The following ELP1 variants were observed in gnomAD, a reference collection of about 807,000 sequenced individuals.
ELP1 encodes the protein elongator complex protein 1.
In ELP1, 131 loss-of-function variants were observed where a neutral mutation model predicts 183.2. The ratio of observed to expected loss-of-function variants is 0.72; its 90% CI spans 0.62 to 0.83. The LOEUF (loss-of-function observed/expected upper bound fraction) is 0.83, where lower values mean the gene tolerates loss of function less well. Ranked by LOEUF, ELP1 falls within the 40% of genes least tolerant of loss-of-function variation. The pLI is 0.00. For missense variants in ELP1, 1,550 were observed against 1,594.9 expected (o/e 0.97, Z 0.48); for synonymous variants, 555 against 569.0 (o/e 0.98, Z 0.35).
intron 25 of ELP1, among the ~76,000 whole-genome samples, chr9:108,896,015 T>G (rs987710044): frequency 3.9e-5 from 6 of 152,202 alleles, no homozygotes; most frequent in African/African-American, 1.4e-4. Flanking sequence ...TCCAGCACTT[T>G]GGGAGACTGA....
intron 5 of ELP1, among the ~76,000 whole-genome samples, chr9:108,925,979 TC>T: frequency 6.6e-6 from 1 of 152,288 alleles, no homozygotes; most frequent in Non-Finnish European, 1.5e-5. Flanking sequence ...AACATCTTCT[TC>T]CCCATCCCTC....
intron 9 of ELP1, among the ~76,000 whole-genome samples, chr9:108,916,609 A>G (rs1429914894): frequency 6.6e-6 from 1 of 152,230 alleles, no homozygotes; most frequent in Non-Finnish European, 1.5e-5. Flanking sequence ...CAACACAGAG[A>G]TAAGATGTAA....
chr9:108,892,747 C>A (rs1828391168), intron 27 of ELP1, among the ~76,000 whole-genome samples: 1 of 152,032 alleles, frequency 6.6e-6, no homozygotes, highest in Admixed American at 6.5e-5. Context: ...TAAGGTTGGG[C>A]TAGAGGAGGG....
At chr9:108,912,059 A>G (rs1829243825) in intron 11 of ELP1, among the ~76,000 whole-genome samples, 1 of 152,220 alleles carries the variant, frequency 6.6e-6, no homozygotes, top group Non-Finnish European at 1.5e-5. Flanking sequence ...CAGATGCAGT[A>G]TAACAGGAAA....
At chr9:108,892,741 G>T (rs1205348458) in intron 27 of ELP1, among the ~76,000 whole-genome samples, 1 of 152,144 alleles carries the variant, frequency 6.6e-6, no homozygotes, top group Non-Finnish European at 1.5e-5. Context: ...CAGCAGTAAG[G>T]TTGGGCTAGA....
rs764320309 is a variant in ELP1 at position 108,901,478 on chromosome 9, G to T, written c.1961C>A (p.Thr654Lys). ...FAVYDEFLLL[T>K]THSHTCQCFC... ...ACACTGGCAGGTATGGGAATGGGTT[G>T]TCAACAATAAAAACTCATCATATAC... The change falls in exon 18 of 37, where the codon ACA becomes AAA. Residue 654 changes from threonine to lysine, a missense_variant. By Grantham distance (78) the Thr-to-Lys change is moderately conservative. Transcript: ENST00000374647. The T allele has an allele frequency of 3.7e-6, 6 of 1,614,094 alleles. No homozygotes were observed. Among genetic ancestry groups the T allele is most frequent in the Admixed American group, 3.3e-5 (2 of 60,014 alleles).
In ELP1 at chr9:108,902,542, T is replaced by C. The variant is rs117286243; in HGVS notation, c.1854+297A>G. ...TACTAAAACTATTCTCAAGATCACATTTCTGTTTCCCCTCCTAAATAAAAT... is the reference window on the plus strand; with the variant it reads ...TACTAAAACTATTCTCAAGATCACACTTCTGTTTCCCCTCCTAAATAAAAT... On this transcript the variant is annotated intron_variant, in intron 16 of 36. Transcript: ENST00000374647. Among the ~76,000 whole-genome samples, 2,407 of 152,340 alleles carry C rather than the reference T, an allele frequency of 0.016. 31 individuals carry two copies. The highest frequency in any genetic ancestry group is 0.025 in the Non-Finnish European group (1,683 of 68,038).
chr9:108,871,902 AC>A (rs1827472888), intron 36 of ELP1, among the ~76,000 whole-genome samples: 1 of 152,244 alleles, frequency 6.6e-6, no homozygotes, highest in Non-Finnish European at 1.5e-5. Flanking sequence ...AACTGCAGTG[AC>A]AGCTTCATAA....
rs201650055 is a variant in ELP1 at position 108,874,785 on chromosome 9, T to C, written c.3931+110A>G. 44 of 779,918 alleles carry C rather than the reference T, an allele frequency of 5.6e-5. No individual in the cohort carries two copies. The East Asian group carries it at 1.1e-3, about 20-fold the overall frequency. The allele number at this position is 779,918 out of a possible 1,614,324, so 48.3% of individuals were successfully genotyped here. ...AGGAAGAATTGTAGTCAATTTTTTG[T>C]AGTGAAAAATTGTATCCAATCTCTC... On this transcript the variant is annotated intron_variant, in intron 36 of 36. Transcript: ENST00000374647.
Position 108,868,049 on chromosome 9 carries a change from A to T in ELP1, c.*1066T>A, listed in dbSNP as rs1224168583. 1 of 152,236 alleles carries T rather than the reference A, an allele frequency of 6.6e-6. No homozygotes were observed. Among genetic ancestry groups the T allele is most frequent in the African/African-American group, 2.4e-5 (1 of 41,456 alleles). The allele number at this position is 152,236 out of a possible 1,614,324, so 9.4% of individuals were successfully genotyped here. On this transcript the variant is annotated 3_prime_UTR_variant, in exon 37 of 37. Coordinates refer to ENST00000374647, the MANE Select transcript of ELP1 (RefSeq NM_003640.5). ...GGTCACAGGGGCAGATCCTACGTGAATCGCTTGTGCCATCCTCGTGGTAAT... is the reference window on the plus strand; with the variant it reads ...GGTCACAGGGGCAGATCCTACGTGATTCGCTTGTGCCATCCTCGTGGTAAT...
At chr9:108,927,100 T>C (rs1462394066) in intron 4 of ELP1, among the ~76,000 whole-genome samples, 7 of 152,218 alleles carry the variant, frequency 4.6e-5, no homozygotes, top group Non-Finnish European at 8.8e-5. Context: ...TGACTTTGTT[T>C]CTTACTCCCA....
chr9:108,881,897 C>A, intron 30 of ELP1, 132 bp from the exon 31 acceptor site: 1 of 702,506 alleles, frequency 1.4e-6, no homozygotes, highest in Admixed American at 2.4e-5. Flanking sequence ...TCCTACAAGG[C>A]AGCCAAGGAA....
At chr9:108,916,110 G>T (rs1380355898) in intron 10 of ELP1, 94 bp downstream of exon 10, 1 of 942,886 alleles carries the variant, frequency 1.1e-6, no homozygotes, top group Non-Finnish European at 1.8e-6. Context: ...ATTCTACTAA[G>T]GGACTAAGTA....
At chr9:108,895,382 T>G (rs1469015737) in intron 25 of ELP1, among the ~76,000 whole-genome samples, 1 of 152,122 alleles carries the variant, frequency 6.6e-6, no homozygotes, top group African/African-American at 2.4e-5. Flanking sequence ...CACCTTGGCA[T>G]CCTTTAACCT....
At chr9:108,886,408 A>C (rs1182693488) in intron 29 of ELP1, among the ~76,000 whole-genome samples, 1 of 152,144 alleles carries the variant, frequency 6.6e-6, no homozygotes, top group Admixed American at 6.5e-5. Context: ...ATGAACACAA[A>C]CACAAAAATC....
rs1271902346 is a variant in ELP1 at position 108,868,752 on chromosome 9, A to G, written c.*363T>C. ...CATTGTAATCTTCTCCGCCAACAAA[A>G]TAAGACAATTTAGAAACATTGTTTT... On this transcript the variant is annotated 3_prime_UTR_variant, in exon 37 of 37. Coordinates refer to ENST00000374647, the MANE Select transcript of ELP1 (RefSeq NM_003640.5). The G allele has an allele frequency of 1.8e-6, 1 of 557,544 alleles. No individual in the cohort carries two copies. The highest frequency in any genetic ancestry group is 3.2e-6 in the Non-Finnish European group (1 of 316,894). 34.5% of individuals were successfully genotyped at this position (557,544 alleles called of 1,614,324 possible).
chr9:108,886,115 GA>G (rs1430094619), intron 29 of ELP1, among the ~76,000 whole-genome samples: 2 of 152,218 alleles, frequency 1.3e-5, no homozygotes, highest in African/African-American at 4.8e-5. Context: ...ACTCCCTTTA[GA>G]AACTGTAATG....
intron 28 of ELP1, 43 bp from the exon 29 acceptor site, chr9:108,889,436 ATAC>A: frequency 6.4e-7 from 1 of 1,555,512 alleles, no homozygotes; most frequent in Non-Finnish European, 8.9e-7. Flanking sequence ...AGTTAAACAG[ATAC>A]TTTAGCTCAA....
intron 10 of ELP1, among the ~76,000 whole-genome samples, chr9:108,914,390 T>C (rs1319344846): frequency 5.4e-5 from 4 of 74,214 alleles, no homozygotes; most frequent in Admixed American, 2.1e-4. Context: ...AGAGAGAGAC[T>C]CCGTCTCCAA....
Sources: gnomAD v4.1 joint callset for allele counts (sites outside exome capture counted in the v4.1 genomes callset) on GRCh38, gnomAD v4.1.1 for gene constraint, MANE v1.5 for transcripts, NCBI Gene and HGNC (gene_info 2026-07-23, HGNC 2026-07-21) for gene names.